OPCML: variants seen among roughly 807,000 people sequenced by gnomAD.
OPCML encodes the protein opioid-binding protein/cell adhesion molecule.
OPCML carries 13 observed loss-of-function variants against 37.8 expected under a neutral mutation model. The observed-to-expected ratio is 0.34, with a 90% CI of 0.22 to 0.55. OPCML has a LOEUF of 0.55. Ranked by LOEUF, OPCML falls within the 20% of genes least tolerant of loss-of-function variation. The pLI is 0.91. For missense variants in OPCML, 341 were observed against 435.6 expected (o/e 0.78, Z 1.93); for synonymous variants, 176 against 168.8 (o/e 1.04, Z -0.33).
intron 3 of OPCML, among the ~76,000 whole-genome samples, chr11:132,564,335 G>T (rs1271585682): frequency 6.6e-6 from 1 of 152,206 alleles, no homozygotes; most frequent in Non-Finnish European, 1.5e-5. Context: ...GCCAGGCTGG[G>T]AGACCTAACC....
chr11:132,843,220 G>C (rs1461931676), intron 2 of OPCML, among the ~76,000 whole-genome samples: 1 of 151,348 alleles, frequency 6.6e-6, no homozygotes, highest in Non-Finnish European at 1.5e-5. Context: ...TCAGCCTCCT[G>C]AGTAGCTGGG....
chr11:132,742,113 T>A (rs1945452571), intron 2 of OPCML, among the ~76,000 whole-genome samples: 1 of 152,182 alleles, frequency 6.6e-6, no homozygotes, highest in Admixed American at 6.5e-5. Context: ...GAGATAATGA[T>A]GTGATTTTCT....
At chr11:132,917,730 C>A (rs7926798) in intron 2 of OPCML, among the ~76,000 whole-genome samples, 37,328 of 152,052 alleles carry the variant, frequency 0.25, 7,956 homozygotes, top group African/African-American at 0.57. Flanking sequence ...ACCTGGGGAA[C>A]GCTCTGATTT....
chr11:133,167,242 CATT>C (rs1310377613), intron 1 of OPCML, among the ~76,000 whole-genome samples: 3 of 152,196 alleles, frequency 2.0e-5, no homozygotes, highest in South Asian at 2.1e-4. Flanking sequence ...TCATCATCAT[CATT>C]ATTATTTTAT....
rs763275256 is a variant in OPCML, at chr11:132,436,147, C to G, written c.855G>C (p.Gly285=). ...TFFNVSEKDY[G]NYTCVATNKL... is the part of the protein sequence containing the mutation. ...TGTTCGTGGCCACACAAGTATAGTT[C>G]CCATAATCCTTTTCTGAAACATTGA... The change falls in exon 7 of 8, where the codon GGG becomes GGC. Residue 285 remains glycine, a synonymous_variant. Coordinates refer to ENST00000524381, the MANE Select transcript of OPCML (RefSeq NM_001012393.5). The G allele has an allele frequency of 1.2e-6, 2 of 1,614,054 alleles. No homozygotes were observed. The highest frequency in any genetic ancestry group is 1.7e-6 in the Non-Finnish European group (2 of 1,180,034).
chr11:132,562,346 G>T (rs1353786978), intron 3 of OPCML, among the ~76,000 whole-genome samples: 1 of 151,958 alleles, frequency 6.6e-6, no homozygotes, highest in African/African-American at 2.4e-5. Flanking sequence ...AAAAAGTCTA[G>T]TATGAAAAAA....
At chr11:132,927,546 C>T (rs939575753) in intron 2 of OPCML, among the ~76,000 whole-genome samples, 1 of 152,040 alleles carries the variant, frequency 6.6e-6, no homozygotes, top group Non-Finnish European at 1.5e-5. Context: ...GAATTCATTA[C>T]CACTAGACCT....
At chr11:133,370,852 G>A (rs903718171) in intron 1 of OPCML, among the ~76,000 whole-genome samples, 2 of 152,154 alleles carry the variant, frequency 1.3e-5, no homozygotes, top group East Asian at 1.9e-4. Flanking sequence ...GTTCTTCACA[G>A]CAAAGCAAAT....
intron 3 of OPCML, among the ~76,000 whole-genome samples, chr11:132,539,455 G>A (rs370954855): frequency 2.6e-5 from 4 of 152,170 alleles, no homozygotes; most frequent in African/African-American, 9.7e-5. Flanking sequence ...TAAACCCTGA[G>A]ATTTTCAATC....
At chr11:132,677,062 C>T (rs1461584158) in intron 2 of OPCML, among the ~76,000 whole-genome samples, 1 of 151,932 alleles carries the variant, frequency 6.6e-6, no homozygotes, top group Non-Finnish European at 1.5e-5. Context: ...TTGCAGGATA[C>T]AAAGTTAGTA....
At chr11:132,673,012 G>A (rs1387460650) in intron 2 of OPCML, among the ~76,000 whole-genome samples, 2 of 151,850 alleles carry the variant, frequency 1.3e-5, no homozygotes, top group South Asian at 2.1e-4. Flanking sequence ...GCCTTCATTT[G>A]TCAAGCTTAA....
intron 1 of OPCML, among the ~76,000 whole-genome samples, chr11:133,403,179 A>T (rs1457861639): frequency 6.6e-6 from 1 of 152,162 alleles, no homozygotes. Context: ...TGTAAATCTC[A>T]CTAAGCCTGT....
rs77725714 is a variant in OPCML, at chr11:132,441,792, G to A, written c.506-4433C>T. 3.3e-3 allele frequency among the ~76,000 whole-genome samples: 505 copies of A among 152,330 alleles called. 3 individuals carry two copies. The highest frequency in any genetic ancestry group is 6.8e-3 in the Middle Eastern group (2 of 294). On this transcript the variant is annotated intron_variant, in intron 4 of 7. Transcript: ENST00000524381. ...AAAATACAAATGAGGCCATTCATCC[G>A]GGGATGTGGGGGTTGTTGCCTCAGA...
chr11:132,770,817 G>C (rs554519831), intron 2 of OPCML, among the ~76,000 whole-genome samples: 3 of 152,134 alleles, frequency 2.0e-5, no homozygotes, highest in East Asian at 3.9e-4. Context: ...ATTGGAGAAG[G>C]GGGGACTCAG....
chr11:132,503,520 C>G (rs2096250108), intron 4 of OPCML, among the ~76,000 whole-genome samples: 4 of 151,918 alleles, frequency 2.6e-5, no homozygotes, highest in Admixed American at 2.6e-4. Context: ...TATGGTGTGT[C>G]TGAAACTAAT....
chr11:132,537,612 C>T (rs543170393), intron 3 of OPCML, among the ~76,000 whole-genome samples: 4 of 152,054 alleles, frequency 2.6e-5, no homozygotes, highest in Admixed American at 1.3e-4. Context: ...GTTTGTGCTT[C>T]AAAACACACT....
At chr11:132,974,095 T>A (rs12287409) in intron 1 of OPCML, among the ~76,000 whole-genome samples, 1 of 152,304 alleles carries the variant, frequency 6.6e-6, no homozygotes, top group South Asian at 2.1e-4. Flanking sequence ...TTGGGTTTTA[T>A]CCCATCTTGA....
chr11:133,140,217 A>AATAATAATG (rs1949749289), intron 1 of OPCML, among the ~76,000 whole-genome samples: 2 of 142,892 alleles, frequency 1.4e-5, no homozygotes, highest in Non-Finnish European at 3.0e-5. Context: ...TAATAATAAT[A>AATAATAATG]ATAATACTGA....
At chr11:133,064,303 T>TC (rs1184513896) in intron 1 of OPCML, among the ~76,000 whole-genome samples, 1 of 152,164 alleles carries the variant, frequency 6.6e-6, no homozygotes, top group Middle Eastern at 3.2e-3. Flanking sequence ...GAGCTTTGTC[T>TC]CCCCTCGCTG....
Sources: allele counts gnomAD v4.1 joint callset (sites outside exome capture counted in the v4.1 genomes callset), GRCh38; gene constraint gnomAD v4.1.1; transcripts MANE v1.5; gene names NCBI Gene and HGNC (gene_info 2026-07-23, HGNC 2026-07-21).